Variants in ZBTB20 observed in about 807,000 individuals in gnomAD.
ZBTB20 encodes zinc finger and BTB domain containing 20.
Under a neutral mutation model 56.9 loss-of-function variants are expected in ZBTB20, and 9 were observed. The observed-to-expected ratio is 0.16, with a 90% CI of 0.10 to 0.28. The LOEUF is 0.28. Among genes scored for constraint, ZBTB20 ranks in the 10% least tolerant of loss-of-function variants. The pLI, the probability that ZBTB20 is intolerant of heterozygous loss-of-function variation, is 1.00. For synonymous variants in ZBTB20, 417 were observed against 420.7 expected (o/e 0.99, Z 0.11); for missense variants, 655 against 1,003.0 (o/e 0.65, Z 4.69).
intron 10 of ZBTB20, among the ~76,000 whole-genome samples, chr3:114,358,423 AC>A (rs905616224): frequency 2.6e-5 from 4 of 152,140 alleles, no homozygotes; most frequent in Admixed American, 2.6e-4. Flanking sequence ...TCTTCACTCC[AC>A]CAAAAAATAA....
At chr3:114,886,665 T>C (rs1306173576) in intron 4 of ZBTB20, among the ~76,000 whole-genome samples, 2 of 152,212 alleles carry the variant, frequency 1.3e-5, no homozygotes, top group African/African-American at 4.8e-5. Flanking sequence ...TCTGCAGAGT[T>C]AGTGACTGTT....
chr3:114,763,978 AAAAG>A (rs1256763475), intron 5 of ZBTB20, among the ~76,000 whole-genome samples: 1 of 152,212 alleles, frequency 6.6e-6, no homozygotes, highest in Middle Eastern at 3.2e-3. Flanking sequence ...GAAGACTATT[AAAAG>A]ACAGGGAGCA....
intron 4 of ZBTB20, among the ~76,000 whole-genome samples, chr3:114,820,422 A>G (rs960334672): frequency 6.6e-6 from 1 of 152,096 alleles, no homozygotes; most frequent in African/African-American, 2.4e-5. Context: ...CACTTTAGAA[A>G]CACCCATACA....
chr3:114,726,486 A>C (rs2108515755), intron 5 of ZBTB20, among the ~76,000 whole-genome samples: 1 of 152,318 alleles, frequency 6.6e-6, no homozygotes, highest in Non-Finnish European at 1.5e-5. Context: ...TGCTTGTTCA[A>C]ATACAAATTG....
chr3:114,551,868 C>G (rs1458158328), intron 6 of ZBTB20, among the ~76,000 whole-genome samples: 2 of 152,138 alleles, frequency 1.3e-5, no homozygotes, highest in Non-Finnish European at 2.9e-5. Context: ...ATAAAGCTCA[C>G]AGAACTTTTA....
intron 4 of ZBTB20, among the ~76,000 whole-genome samples, chr3:114,857,211 G>C (rs2075292650): frequency 6.6e-6 from 1 of 152,120 alleles, no homozygotes; most frequent in Non-Finnish European, 1.5e-5. Flanking sequence ...TGACAAGTGA[G>C]ATAAATGGTA....
chr3:114,371,989 A>T (rs2083071846), intron 10 of ZBTB20, among the ~76,000 whole-genome samples: 1 of 152,126 alleles, frequency 6.6e-6, no homozygotes, highest in Non-Finnish European at 1.5e-5. Context: ...ACCTAGTGTG[A>T]GGTGACTGGT....
At chr3:114,925,923 T>C (rs1326489526) in intron 3 of ZBTB20, among the ~76,000 whole-genome samples, 2 of 152,064 alleles carry the variant, frequency 1.3e-5, no homozygotes, top group Admixed American at 6.5e-5. Context: ...AGCCAAAGAG[T>C]GCTAATATCT....
At chr3:114,501,340 C>A (rs1002680419) in intron 6 of ZBTB20, among the ~76,000 whole-genome samples, 1 of 152,102 alleles carries the variant, frequency 6.6e-6, no homozygotes, top group African/African-American at 2.4e-5. Context: ...AAATTACAAG[C>A]CAGGCTAGGC....
At chr3:114,395,970 A>G (rs909315476) in intron 7 of ZBTB20, among the ~76,000 whole-genome samples, 2 of 148,694 alleles carry the variant, frequency 1.3e-5, no homozygotes, top group Non-Finnish European at 2.9e-5. Flanking sequence ...CTTGTTTAAA[A>G]TAAGAGATCT....
At chr3:115,107,049 T>A (rs747912080) in intron 1 of ZBTB20, among the ~76,000 whole-genome samples, 4 of 152,226 alleles carry the variant, frequency 2.6e-5, no homozygotes, top group Admixed American at 6.5e-5. Context: ...ATTAAACACA[T>A]CCTTATCTTA....
At chr3:114,510,263 C>T (rs748348059) in intron 6 of ZBTB20, among the ~76,000 whole-genome samples, 10 of 152,118 alleles carry the variant, frequency 6.6e-5, no homozygotes, top group African/African-American at 1.9e-4. Context: ...TGGCCTGAGC[C>T]GACACTTCAA....
In ZBTB20 at chr3:114,588,811, T is replaced by G. The variant is rs1029823556; in HGVS notation, c.-294-88420A>C. Among the ~76,000 whole-genome samples, 19 of 152,290 alleles carry G rather than the reference T, an allele frequency of 1.2e-4. No individual in the cohort carries two copies. In the South Asian group the frequency reaches 3.7e-3, roughly 30 times the overall value. On this transcript the variant is annotated intron_variant, in intron 6 of 11. Coordinates refer to ENST00000675478, the MANE Select transcript of ZBTB20 (RefSeq NM_001348800.3). ...TCCTTATGCTGAATCTTAATCCATA[T>G]TAGTCTGTTCTCATGCTGCTATGAA...
chr3:114,387,728 C>T (rs1051901473), intron 8 of ZBTB20: 6 of 152,184 alleles, frequency 3.9e-5, no homozygotes, highest in Non-Finnish European at 5.9e-5. Context: ...GGGAATTTCT[C>T]GGGTATTCCT....
At chr3:114,516,002 C>A (rs1242887507) in intron 6 of ZBTB20, among the ~76,000 whole-genome samples, 2 of 145,356 alleles carry the variant, frequency 1.4e-5, no homozygotes, top group Non-Finnish European at 3.0e-5. Context: ...TCTAATTAAA[C>A]AATTTTTTTT....
intron 7 of ZBTB20, among the ~76,000 whole-genome samples, chr3:114,482,240 T>C (rs2041639567): frequency 6.6e-6 from 1 of 152,038 alleles, no homozygotes; most frequent in Non-Finnish European, 1.5e-5. Flanking sequence ...GGGATCTACA[T>C]GGACAGGAAA....
intron 5 of ZBTB20, among the ~76,000 whole-genome samples, chr3:114,787,642 G>T (rs1299272650): frequency 6.6e-6 from 1 of 151,760 alleles, no homozygotes; most frequent in Non-Finnish European, 1.5e-5. Flanking sequence ...AGTGGTGGTG[G>T]TGCTTGTTAC....
intron 10 of ZBTB20, among the ~76,000 whole-genome samples, chr3:114,373,020 G>A (rs1247344115): frequency 6.6e-6 from 1 of 151,866 alleles, no homozygotes; most frequent in Non-Finnish European, 1.5e-5. Flanking sequence ...GGGTTCAAGC[G>A]ATTCTCCTAC....
intron 3 of ZBTB20, among the ~76,000 whole-genome samples, chr3:114,918,108 A>G (rs1005759402): frequency 4.0e-5 from 6 of 150,162 alleles, no homozygotes; most frequent in South Asian, 2.1e-4. Context: ...AGTCTTTTCC[A>G]CAAGCACAGA....
Sources: allele counts gnomAD v4.1 joint callset (sites outside exome capture counted in the v4.1 genomes callset), GRCh38; gene constraint gnomAD v4.1.1; transcripts MANE v1.5; gene names NCBI Gene and HGNC (gene_info 2026-07-23, HGNC 2026-07-21).